The following CNTNAP2 variants were observed in gnomAD, a reference collection of about 807,000 sequenced individuals.
The protein encoded by CNTNAP2 is contactin associated protein 2.
In CNTNAP2, 98 loss-of-function variants were observed where a neutral mutation model predicts 155.2. That is an observed-to-expected ratio of 0.63 (90% confidence interval 0.54 to 0.75). The LOEUF (loss-of-function observed/expected upper bound fraction) is 0.75. Ranked by LOEUF, CNTNAP2 falls within the 30% of genes least tolerant of loss-of-function variation. The pLI, the probability that CNTNAP2 is intolerant of heterozygous loss-of-function variation, is 0.00. For synonymous variants in CNTNAP2, 651 were observed against 631.2 expected (o/e 1.03, Z -0.47); for missense variants, 1,727 against 1,688.1 (o/e 1.02, Z -0.40).
At chr7:146,436,868 T>C (rs527445595) in intron 1 of CNTNAP2, among the ~76,000 whole-genome samples, 1 of 151,738 alleles carries the variant, frequency 6.6e-6, no homozygotes, top group African/African-American at 2.4e-5. Context: ...CTAAGTAGAC[T>C]GCCCTGTTGA....
chr7:147,012,062 T>G (rs764074329), intron 3 of CNTNAP2, among the ~76,000 whole-genome samples: 5 of 152,234 alleles, frequency 3.3e-5, no homozygotes, highest in Admixed American at 1.3e-4. Context: ...TCCCATGTTA[T>G]GTAAAACCAT....
At chr7:148,297,516 G>A (rs1003259114) in intron 21 of CNTNAP2, among the ~76,000 whole-genome samples, 3 of 152,194 alleles carry the variant, frequency 2.0e-5, no homozygotes, top group African/African-American at 4.8e-5. Flanking sequence ...AACCATAGAG[G>A]CATCTCAGTA....
intron 15 of CNTNAP2, among the ~76,000 whole-genome samples, chr7:148,021,213 A>C (rs1802274269): frequency 6.6e-6 from 1 of 152,230 alleles, no homozygotes; most frequent in African/African-American, 2.4e-5. Context: ...TTTTGGACTT[A>C]TTCTCCCTCA....
intron 3 of CNTNAP2, among the ~76,000 whole-genome samples, chr7:146,912,502 G>T (rs1485739957): frequency 6.6e-6 from 1 of 152,058 alleles, no homozygotes; most frequent in Non-Finnish European, 1.5e-5. Context: ...CAGGGCCTCA[G>T]GGTAACAATG....
chr7:147,614,816 T>C (rs887933912), intron 12 of CNTNAP2, among the ~76,000 whole-genome samples: 1 of 151,844 alleles, frequency 6.6e-6, no homozygotes, highest in African/African-American at 2.4e-5. Context: ...TTTATTCCTA[T>C]ATAGCTCATT....
intron 13 of CNTNAP2, among the ~76,000 whole-genome samples, chr7:147,851,909 TA>T (rs1332930623): frequency 3.3e-5 from 5 of 151,758 alleles, no homozygotes; most frequent in African/African-American, 9.7e-5. Flanking sequence ...TAAAATATAA[TA>T]AATAATAAGA....
intron 11 of CNTNAP2, among the ~76,000 whole-genome samples, chr7:147,498,347 C>T (rs1798749247): frequency 6.6e-6 from 1 of 152,120 alleles, no homozygotes; most frequent in South Asian, 2.1e-4. Context: ...GTTGCTAGAT[C>T]CACTGCTTAT....
chr7:148,162,382 G>T (rs1285161643), intron 17 of CNTNAP2, among the ~76,000 whole-genome samples: 1 of 152,128 alleles, frequency 6.6e-6, no homozygotes, highest in African/African-American at 2.4e-5. Flanking sequence ...GATCCAACTA[G>T]AAAATATCCC....
At chr7:147,586,569 GGGAGGGAGGGAAAGAGGAAA>G (rs1184017645) in intron 12 of CNTNAP2, among the ~76,000 whole-genome samples, 8 of 122,290 alleles carry the variant, frequency 6.5e-5, no homozygotes, top group East Asian at 2.9e-4. Context: ...GAGGGAGGGA[GGGAGGGAGGGAAAGAGGAAA>G]GGAGGGAGAA....
intron 21 of CNTNAP2, among the ~76,000 whole-genome samples, chr7:148,287,970 T>A (rs111544103): frequency 0.16 from 24,978 of 151,420 alleles, 2,407 homozygotes; most frequent in East Asian, 0.23. Flanking sequence ...TTTTGTATTT[T>A]TACTAGAGAT....
intron 13 of CNTNAP2, among the ~76,000 whole-genome samples, chr7:147,701,783 A>C (rs370802772): frequency 2.0e-5 from 3 of 152,206 alleles, no homozygotes; most frequent in African/African-American, 7.2e-5. Flanking sequence ...AGAAAACTTC[A>C]TTCTAGTTAT....
At chr7:146,480,386 A>G (rs924037392) in intron 1 of CNTNAP2, among the ~76,000 whole-genome samples, 4 of 152,130 alleles carry the variant, frequency 2.6e-5, no homozygotes, top group Non-Finnish European at 5.9e-5. Context: ...TGATTTCAAT[A>G]GGTCGCAAAA....
At chr7:147,784,615 G>T (rs1430135456) in intron 13 of CNTNAP2, among the ~76,000 whole-genome samples, 1 of 138,618 alleles carries the variant, frequency 7.2e-6, no homozygotes, top group Non-Finnish European at 1.6e-5. Context: ...GAGGTAAAAG[G>T]GTCTTGGTTT....
chr7:147,575,577 C>G (rs1800383944), intron 12 of CNTNAP2, among the ~76,000 whole-genome samples: 1 of 150,896 alleles, frequency 6.6e-6, no homozygotes, highest in South Asian at 2.1e-4. Flanking sequence ...ATTTAGAAGG[C>G]ATATAAGTTA....
intron 3 of CNTNAP2, among the ~76,000 whole-genome samples, chr7:146,957,776 A>G (rs1018023375): frequency 8.5e-5 from 13 of 152,162 alleles, no homozygotes; most frequent in African/African-American, 3.1e-4. Context: ...CACACCTACT[A>G]TGTACCCACA....
At chr7:147,849,232 A>C (rs556950641) in intron 13 of CNTNAP2, among the ~76,000 whole-genome samples, 1 of 152,346 alleles carries the variant, frequency 6.6e-6, no homozygotes, top group African/African-American at 2.4e-5. Flanking sequence ...TCTCAAGGCC[A>C]ATATTACATT....
At chr7:147,535,406 A>T (rs1405173898) in intron 11 of CNTNAP2, among the ~76,000 whole-genome samples, 2 of 152,080 alleles carry the variant, frequency 1.3e-5, no homozygotes, top group Non-Finnish European at 2.9e-5. Flanking sequence ...AAATAAAAAT[A>T]AATAAATAAA....
intron 11 of CNTNAP2, among the ~76,000 whole-genome samples, chr7:147,551,688 G>T (rs554311883): frequency 2.6e-5 from 4 of 152,116 alleles, no homozygotes; most frequent in African/African-American, 7.2e-5. Context: ...TTGCTGCATT[G>T]GTTTTAACAG....
intron 1 of CNTNAP2, among the ~76,000 whole-genome samples, chr7:146,193,442 G>C (rs1047480987): frequency 8.5e-5 from 13 of 152,170 alleles, no homozygotes; most frequent in African/African-American, 3.1e-4. Flanking sequence ...CTTGACTTCC[G>C]TGCATTCACA....
Sources: gnomAD v4.1 joint callset for allele counts (sites outside exome capture counted in the v4.1 genomes callset) on GRCh38, gnomAD v4.1.1 for gene constraint, MANE v1.5 for transcripts, NCBI Gene and HGNC (gene_info 2026-07-23, HGNC 2026-07-21) for gene names.